The following RFX8 variants were observed in gnomAD, a reference collection of about 807,000 sequenced individuals.
RFX8 encodes the protein regulatory factor X8, also known as DNA-binding protein RFX8.
RFX8 carries 46 observed loss-of-function variants against 54.6 expected under a neutral mutation model. The observed-to-expected ratio is 0.84, with a 90% CI of 0.67 to 1.08. RFX8 has a LOEUF of 1.08. Ranked by LOEUF, RFX8 falls within the 50% of genes least tolerant of loss-of-function variation. The pLI is 0.00. For synonymous variants in RFX8, 192 were observed against 209.5 expected, an observed-to-expected ratio of 0.92 and a Z score of 0.72; for missense variants, 536 against 562.3, an observed-to-expected ratio of 0.95 and a Z score of 0.47.
At position 101,414,888 on chromosome 2, in the gene RFX8, A is replaced by C; in HGVS notation, c.527T>G (p.Leu176Arg). Residue 176 changes from leucine to arginine, a missense_variant, in exon 7 of 12, where the codon CTA becomes CGA. Transcript: ENST00000428343. ...GTTGGAAAGGTACGTCTTTCTTCTT[A>C]GTCTTTTGACAAATAGAGTAACTTC... is the stretch of plus-strand genomic sequence containing the variant. ...LKEVTLFVKR[L>R]RRKTYLSNMA... The C allele has an allele frequency of 1.3e-6, 2 of 1,550,556 alleles. No individual in the cohort carries two copies. The highest frequency in any genetic ancestry group is 1.7e-6 in the Non-Finnish European group (2 of 1,146,452).
At chr2:101,455,511 A>C (rs2148979115) in intron 2 of RFX8, among the ~76,000 whole-genome samples, 1 of 152,322 alleles carries the variant, frequency 6.6e-6, no homozygotes, top group East Asian at 1.9e-4. Flanking sequence ...GGTTTGTCAA[A>C]GATCAGATGG....
chr2:101,445,062 G>T (rs57129496), intron 2 of RFX8, among the ~76,000 whole-genome samples: 40,111 of 151,960 alleles, frequency 0.26, 5,678 homozygotes, highest in South Asian at 0.35. Context: ...CTTCTTGGGA[G>T]AATTAAAGTT....
chr2:101,459,802 T>C (rs1052318769), intron 2 of RFX8, among the ~76,000 whole-genome samples: 2 of 152,226 alleles, frequency 1.3e-5, no homozygotes, highest in African/African-American at 4.8e-5. Context: ...CTGCAGAAGT[T>C]GTCTGCTGCC....
chr2:101,407,328 C>G (rs1462804954), intron 9 of RFX8, among the ~76,000 whole-genome samples: 4 of 152,230 alleles, frequency 2.6e-5, no homozygotes, highest in Non-Finnish European at 5.9e-5. Flanking sequence ...GAGATGGACT[C>G]TTGGGAGGAG....
At chr2:101,435,645 C>A (rs2037079) in intron 2 of RFX8, among the ~76,000 whole-genome samples, 115,018 of 151,982 alleles carry the variant, frequency 0.76, 44,489 homozygotes, top group Middle Eastern at 0.88. Flanking sequence ...GGATTCTTCC[C>A]TGAATTTCTG....
rs541608570 is a variant in RFX8 at position 101,411,289 on chromosome 2, A to G, written c.719-576T>C. Reference sequence around the variant, plus strand: ...TCTGCATACCAAGCAGAGTTTGGAAAACTGAGTCGGTTGCAGTGGCCCCTC... The same window carrying G: ...TCTGCATACCAAGCAGAGTTTGGAAGACTGAGTCGGTTGCAGTGGCCCCTC... On this transcript the variant is annotated intron_variant, in intron 8 of 11. Coordinates refer to ENST00000428343, the MANE Select transcript of RFX8 (RefSeq NM_001145664.2). Among the ~76,000 whole-genome samples the G allele has an allele frequency of 1.0e-3, 157 of 152,302 alleles. 2 individuals are homozygous for G. The highest frequency in any genetic ancestry group is 1.3e-3 in the Non-Finnish European group (87 of 68,008).
chr2:101,403,031 C>A (rs1573343751), intron 10 of RFX8, among the ~76,000 whole-genome samples: 1 of 152,096 alleles, frequency 6.6e-6, no homozygotes, highest in Non-Finnish European at 1.5e-5. Context: ...AAAAGCAAAC[C>A]CTACAGGGAA....
At chr2:101,398,666 C>T (rs1685261179) in intron 11 of RFX8, among the ~76,000 whole-genome samples, 1 of 152,214 alleles carries the variant, frequency 6.6e-6, no homozygotes, top group Non-Finnish European at 1.5e-5. Flanking sequence ...AGCCACTTCA[C>T]CTGACGAGCA....
At chr2:101,417,117 G>A (rs1686570006) in intron 6 of RFX8, among the ~76,000 whole-genome samples, 1 of 152,258 alleles carries the variant, frequency 6.6e-6, no homozygotes, top group African/African-American at 2.4e-5. Flanking sequence ...CTTCCGGACT[G>A]TAGCTGAGTG....
At chr2:101,428,452 C>T (rs933226203) in intron 2 of RFX8, among the ~76,000 whole-genome samples, 4 of 152,216 alleles carry the variant, frequency 2.6e-5, no homozygotes, top group Non-Finnish European at 5.9e-5. Flanking sequence ...GCACCTGGGA[C>T]TTCCAGCCTC....
intron 2 of RFX8, among the ~76,000 whole-genome samples, chr2:101,466,121 G>A (rs1689559930): frequency 6.6e-6 from 1 of 152,102 alleles, no homozygotes; most frequent in African/African-American, 2.4e-5. Flanking sequence ...ATTGCTGTGG[G>A]GAGGGTAATG....
intron 4 of RFX8, chr2:101,421,348 C>G: frequency 1.0e-6 from 1 of 996,192 alleles, no homozygotes; most frequent in Non-Finnish European, 1.2e-6. Context: ...AAGTCCTGCT[C>G]CATCTTCAGT....
chr2:101,426,056 G>GA lies in RFX8; in HGVS notation c.73-3585dup, dbSNP rs549443555. Among the ~76,000 whole-genome samples, 3 of 152,220 alleles carry GA rather than the reference G, an allele frequency of 2.0e-5. No individual in the cohort carries two copies. The East Asian group carries it at 5.8e-4, about 29-fold the overall frequency. On this transcript the variant is annotated intron_variant, in intron 2 of 11. Coordinates refer to ENST00000428343, the MANE Select transcript of RFX8 (RefSeq NM_001145664.2). The stretch of plus-strand genomic sequence containing the variant: ...GATAAGAATCATTTGGCTGCCTCCA[G>GA]AAAAAGAAAAGATACCTGTTTAAGG...
At chr2:101,438,459 C>G (rs1227979134) in intron 2 of RFX8, among the ~76,000 whole-genome samples, 2 of 152,144 alleles carry the variant, frequency 1.3e-5, no homozygotes, top group Non-Finnish European at 2.9e-5. Context: ...ATGGATGGAT[C>G]ATAGTTTATT....
intron 1 of RFX8, among the ~76,000 whole-genome samples, chr2:101,469,123 A>AGT (rs1491386635): frequency 1.9e-5 from 2 of 105,634 alleles, no homozygotes; most frequent in Non-Finnish European, 3.7e-5. Context: ...TATATATATA[A>AGT]GTATATATAT....
intron 2 of RFX8, among the ~76,000 whole-genome samples, chr2:101,433,230 G>A (rs1332379687): frequency 1.3e-5 from 2 of 152,094 alleles, no homozygotes; most frequent in Admixed American, 6.6e-5. Flanking sequence ...TTTGGTGACC[G>A]CCCCCCAAGA....
chr2:101,436,426 ACT>A (rs1318571609), intron 2 of RFX8, among the ~76,000 whole-genome samples: 1 of 152,110 alleles, frequency 6.6e-6, no homozygotes, highest in Non-Finnish European at 1.5e-5. Flanking sequence ...CAGCTCAGTG[ACT>A]CTGAGAACTG....
intron 2 of RFX8, chr2:101,429,014 T>A: frequency 7.2e-6 from 11 of 1,528,846 alleles, no homozygotes; most frequent in Non-Finnish European, 9.6e-6. Flanking sequence ...GGCAATGGCA[T>A]CTCCACTGTG....
intron 2 of RFX8, chr2:101,452,535 C>A: frequency 2.0e-6 from 1 of 490,884 alleles, no homozygotes; most frequent in South Asian, 7.4e-5. Flanking sequence ...AAATGATATT[C>A]CTTTTCCTCT....
Sources: gnomAD v4.1 joint callset for allele counts (sites outside exome capture counted in the v4.1 genomes callset) on GRCh38, gnomAD v4.1.1 for gene constraint, MANE v1.5 for transcripts, NCBI Gene and HGNC (gene_info 2026-07-23, HGNC 2026-07-21) for gene names.